The following SLC5A12 variants were observed in gnomAD, a reference collection of about 807,000 sequenced individuals.
SLC5A12 encodes sodium-coupled monocarboxylate transporter 2.
SLC5A12 carries 46 observed loss-of-function variants against 72.7 expected under a neutral mutation model. The observed-to-expected ratio is 0.63, with a 90% CI of 0.50 to 0.81. SLC5A12 has a LOEUF of 0.81. SLC5A12 is among the 30% of genes least tolerant of loss of function. The probability of loss-of-function intolerance (pLI) is 0.00; values close to 1 mark genes in which losing one functional copy is unlikely to be tolerated. For missense variants in SLC5A12, 683 were observed against 740.7 expected (o/e 0.92, Z 0.90); for synonymous variants, 275 against 264.4 (o/e 1.04, Z -0.39).
At chr11:26,716,478 C>A (rs548586870) in intron 1 of SLC5A12, 7 of 152,284 alleles carry the variant, frequency 4.6e-5, no homozygotes, top group South Asian at 2.1e-4. Flanking sequence ...ATAAGCTATT[C>A]CTATTGTCAA....
chr11:26,714,758 C>T (rs987344185), intron 1 of SLC5A12, among the ~76,000 whole-genome samples: 6 of 152,006 alleles, frequency 3.9e-5, no homozygotes, highest in Non-Finnish European at 7.4e-5. Context: ...TACAATTGGC[C>T]CTTCTTTGAA....
chr11:26,687,642 C>T lies in SLC5A12; in HGVS notation c.1154-1098G>A, dbSNP rs564737791. 1.7e-4 allele frequency among the ~76,000 whole-genome samples: 26 copies of T among 152,280 alleles called. 1 individual carries two copies. The highest frequency in any genetic ancestry group is 6.3e-4 in the African/African-American group (26 of 41,558). ...CACGCAGCAAGTACTATGTATTTAT[C>T]ATTTTTATTATTTTATTTCAGAGTC... On this transcript the variant is annotated intron_variant, in intron 9 of 14. Coordinates refer to ENST00000396005, the MANE Select transcript of SLC5A12 (RefSeq NM_178498.4).
chr11:26,704,566 C>T (rs899252191), intron 4 of SLC5A12, among the ~76,000 whole-genome samples: 2 of 152,106 alleles, frequency 1.3e-5, no homozygotes, highest in South Asian at 4.1e-4. Context: ...GATTTTGTTT[C>T]ACAGCAGTTT....
rs549761245 is a variant in SLC5A12, at chr11:26,668,038, C to T, written c.*3064G>A. 4.6e-5 allele frequency: 7 copies of T among 151,940 alleles called. No homozygotes were observed. Among genetic ancestry groups the T allele is most frequent in the Non-Finnish European group, 7.4e-5 (5 of 67,968 alleles). The allele number at this position is 151,940 out of a possible 1,614,324, so 9.4% of individuals were successfully genotyped here. On this transcript the variant is annotated 3_prime_UTR_variant, in exon 15 of 15. Transcript: ENST00000396005. ...ACTTATATAAATCTTCATAATAATTCTATTAAGTAGGGGTAATTTTTACTC... is the reference window on the plus strand; with the variant it reads ...ACTTATATAAATCTTCATAATAATTTTATTAAGTAGGGGTAATTTTTACTC...
At chr11:26,711,939 A>T (rs10767573) in intron 2 of SLC5A12, among the ~76,000 whole-genome samples, 72,306 of 152,000 alleles carry the variant, frequency 0.48, 21,060 homozygotes, top group Non-Finnish European at 0.66. Context: ...GAATTTCACC[A>T]TGTAGAGATT....
intron 11 of SLC5A12, 38 bp from the exon 12 acceptor site, chr11:26,681,259 A>T (rs1245369829): frequency 6.7e-7 from 1 of 1,495,632 alleles, no homozygotes; most frequent in Non-Finnish European, 8.9e-7. Context: ...GAAATTTGGC[A>T]AAGCTGTCTA....
intron 9 of SLC5A12, 88 bp downstream of exon 9, chr11:26,692,399 AGT>A: frequency 1.2e-6 from 1 of 841,476 alleles, no homozygotes; most frequent in East Asian, 2.5e-5. Flanking sequence ...TGTGTTTATA[AGT>A]GTGTCCTGAA....
At chr11:26,682,440 T>G (rs1422729813) in intron 11 of SLC5A12, among the ~76,000 whole-genome samples, 2 of 152,238 alleles carry the variant, frequency 1.3e-5, no homozygotes, top group Non-Finnish European at 1.5e-5. Context: ...GAGAGCCATG[T>G]TGAGACAGAT....
At chr11:26,711,230 T>G (rs1855220153) in intron 3 of SLC5A12, 77 bp downstream of exon 3, 1 of 1,223,006 alleles carries the variant, frequency 8.2e-7, no homozygotes, top group South Asian at 1.3e-5. Flanking sequence ...CAACAAAGTA[T>G]TTTATTTCTA....
intron 8 of SLC5A12, among the ~76,000 whole-genome samples, chr11:26,694,460 GA>G (rs1854760493): frequency 6.6e-6 from 1 of 152,152 alleles, no homozygotes; most frequent in Admixed American, 6.6e-5. Flanking sequence ...AGGGACGAAA[GA>G]AAGGACAGAG....
intron 4 of SLC5A12, among the ~76,000 whole-genome samples, chr11:26,704,840 A>G (rs1304922130): frequency 6.6e-6 from 1 of 152,134 alleles, no homozygotes; most frequent in Non-Finnish European, 1.5e-5. Context: ...AATTAGTGAC[A>G]GGGAATATAT....
rs201134089 is a variant in SLC5A12, at chr11:26,712,166, T to TG, written c.405+474dup. 6.0e-3 allele frequency among the ~76,000 whole-genome samples: 909 copies of TG among 151,912 alleles called. 14 individuals are homozygous for TG. The highest frequency in any genetic ancestry group is 0.014 in the Admixed American group (218 of 15,220). On this transcript the variant is annotated intron_variant, in intron 2 of 14. Coordinates refer to ENST00000396005, the MANE Select transcript of SLC5A12 (RefSeq NM_178498.4). Reference sequence around the variant, plus strand: ...GAGCAGCATGAAGACATCCCAAAGCTGGGGGGGTGGGAAAGGAGTTCATAA... The same window carrying TG: ...GAGCAGCATGAAGACATCCCAAAGCTGGGGGGGGTGGGAAAGGAGTTCATAA...
chr11:26,721,333 G>A, intron 1 of SLC5A12, 43 bp downstream of exon 1: 1 of 1,471,878 alleles, frequency 6.8e-7, no homozygotes, highest in East Asian at 2.3e-5. Flanking sequence ...TCATCAAGAG[G>A]ATGAGAAAAA....
At chr11:26,685,896 T>C (rs764750738) in intron 10 of SLC5A12, among the ~76,000 whole-genome samples, 3 of 152,184 alleles carry the variant, frequency 2.0e-5, no homozygotes, top group Admixed American at 1.3e-4. Flanking sequence ...TTTTATGGAA[T>C]TGGGAGTTGT....
At chr11:26,716,751 C>T (rs1269841404) in intron 1 of SLC5A12, among the ~76,000 whole-genome samples, 1 of 152,100 alleles carries the variant, frequency 6.6e-6, no homozygotes, top group East Asian at 1.9e-4. Context: ...ACTTTCAAAA[C>T]ATATTTACTT....
chr11:26,687,486 A>C (rs1224126893), intron 9 of SLC5A12, among the ~76,000 whole-genome samples: 1 of 152,214 alleles, frequency 6.6e-6, no homozygotes, highest in African/African-American at 2.4e-5. Context: ...ACCATAGATG[A>C]GACACTGCAC....
At position 26,669,948 on chromosome 11, in the gene SLC5A12, G is replaced by A. The variant is rs562327233; in HGVS notation, c.*1154C>T. 1 of 152,134 alleles carries A rather than the reference G, an allele frequency of 6.6e-6. No individual in the cohort carries two copies. Among genetic ancestry groups the A allele is most frequent in the East Asian group, 1.9e-4 (1 of 5,166 alleles). 9.4% of individuals were successfully genotyped at this position (152,134 alleles called of 1,614,324 possible). On this transcript the variant is annotated 3_prime_UTR_variant, in exon 15 of 15. Coordinates refer to ENST00000396005, the MANE Select transcript of SLC5A12 (RefSeq NM_178498.4). ...CTGACTTGGCCCCTGTGACATACTG[G>A]TTCTTTCTTTTACCTTTTCAGAATT...
chr11:26,704,351 G>A (rs969142737), intron 4 of SLC5A12, among the ~76,000 whole-genome samples: 1 of 152,102 alleles, frequency 6.6e-6, no homozygotes, highest in Non-Finnish European at 1.5e-5. Flanking sequence ...AAACAGAAGC[G>A]GGAACCAGCA....
intron 3 of SLC5A12, 132 bp downstream of exon 3, chr11:26,711,175 C>T (rs1218745573): frequency 1.4e-6 from 1 of 716,152 alleles, no homozygotes; most frequent in Non-Finnish European, 2.4e-6. Context: ...TATGTAATGA[C>T]TTCTAATAGT....
Sources: gnomAD v4.1 joint callset for allele counts (sites outside exome capture counted in the v4.1 genomes callset) on GRCh38, gnomAD v4.1.1 for gene constraint, MANE v1.5 for transcripts, NCBI Gene and HGNC (gene_info 2026-07-23, HGNC 2026-07-21) for gene names.